The following DRD3 variants were observed in gnomAD, a reference collection of about 807,000 sequenced individuals.
The protein encoded by DRD3 is dopamine receptor D3, also known as D(3) dopamine receptor.
Under a neutral mutation model 36.3 loss-of-function variants are expected in DRD3, and 19 were observed. That is an observed-to-expected ratio of 0.52 (90% CI 0.36 to 0.77). The LOEUF (loss-of-function observed/expected upper bound fraction) is 0.77. Ranked by LOEUF, DRD3 falls within the 30% of genes least tolerant of loss-of-function variation. The pLI is 0.00. For synonymous variants in DRD3, 195 were observed against 203.7 expected, an observed-to-expected ratio of 0.96 and a Z score of 0.36; for missense variants, 465 against 505.3, an observed-to-expected ratio of 0.92 and a Z score of 0.77.
At chr3:114,188,011 C>G (rs2107902203) in intron 1 of DRD3, among the ~76,000 whole-genome samples, 1 of 152,080 alleles carries the variant, frequency 6.6e-6, no homozygotes, top group African/African-American at 2.4e-5. Context: ...AAGCAAATAC[C>G]TGAGCATCTC....
intron 2 of DRD3, among the ~76,000 whole-genome samples, chr3:114,170,500 G>A (rs2077828826): frequency 6.6e-6 from 1 of 152,084 alleles, no homozygotes; most frequent in African/African-American, 2.4e-5. Context: ...TCCTAACTGG[G>A]AAGAATAAAT....
intron 1 of DRD3, 86 bp from the exon 2 acceptor site, chr3:114,172,113 G>T: frequency 9.2e-7 from 1 of 1,085,098 alleles, no homozygotes; most frequent in Non-Finnish European, 1.2e-6. Flanking sequence ...TATTGCATCA[G>T]CAAATATTTA....
chr3:114,183,561 T>C (rs1246463586), upstream of DRD3, among the ~76,000 whole-genome samples: 1 of 152,176 alleles, frequency 6.6e-6, no homozygotes, highest in Admixed American at 6.5e-5. Flanking sequence ...TGTATATTTT[T>C]CTCTTTAATT....
chr3:114,176,432 T>C (rs147178500), intron 1 of DRD3, among the ~76,000 whole-genome samples: 1 of 152,120 alleles, frequency 6.6e-6, no homozygotes, highest in Non-Finnish European at 1.5e-5. Flanking sequence ...ACTCCATCTT[T>C]GCAAAAATAA....
intron 3 of DRD3, among the ~76,000 whole-genome samples, chr3:114,151,015 C>G (rs913835945): frequency 3.9e-5 from 6 of 152,188 alleles, no homozygotes; most frequent in African/African-American, 1.4e-4. Flanking sequence ...TTGATAAAGT[C>G]AAATTAAGAT....
intron 3 of DRD3, among the ~76,000 whole-genome samples, chr3:114,150,827 C>T (rs569343832): frequency 1.3e-5 from 2 of 152,278 alleles, no homozygotes; most frequent in East Asian, 1.9e-4. Context: ...TGCTCCTATG[C>T]GCCAGCACTG....
At chr3:114,133,620 C>CTG in intron 5 of DRD3, among the ~76,000 whole-genome samples, 1 of 152,246 alleles carries the variant, frequency 6.6e-6, no homozygotes, top group African/African-American at 2.4e-5. Context: ...CTTTGTAAAA[C>CTG]AGAAAAGAAA....
intron 3 of DRD3, among the ~76,000 whole-genome samples, chr3:114,151,911 G>A (rs1191576051): frequency 6.6e-6 from 1 of 152,236 alleles, no homozygotes; most frequent in Non-Finnish European, 1.5e-5. Context: ...GCAGAGCACT[G>A]CGTGCGCCCA....
At chr3:114,158,384 A>G (rs1372782056) in intron 3 of DRD3, among the ~76,000 whole-genome samples, 1 of 152,230 alleles carries the variant, frequency 6.6e-6, no homozygotes, top group Non-Finnish European at 1.5e-5. Flanking sequence ...TTAAAAAGTG[A>G]AGAGTTGGGG....
chr3:114,138,793 T>C (rs986436053), intron 5 of DRD3, among the ~76,000 whole-genome samples: 1 of 152,242 alleles, frequency 6.6e-6, no homozygotes, highest in African/African-American at 2.4e-5. Flanking sequence ...TTTGCTTTTC[T>C]AGATTCTAAG....
At chr3:114,178,349 T>C (rs1038101364) in intron 1 of DRD3, among the ~76,000 whole-genome samples, 1 of 152,190 alleles carries the variant, frequency 6.6e-6, no homozygotes, top group African/African-American at 2.4e-5. Flanking sequence ...TCAACTTCCA[T>C]ACAAATCCTA....
At chr3:114,197,657 A>C (rs1024562307) in intron 1 of DRD3, among the ~76,000 whole-genome samples, 1 of 152,160 alleles carries the variant, frequency 6.6e-6, no homozygotes, top group African/African-American at 2.4e-5. Context: ...CATATTTTGC[A>C]TAATAATTTT....
intron 3 of DRD3, among the ~76,000 whole-genome samples, chr3:114,153,462 G>A (rs2077637243): frequency 1.3e-5 from 2 of 152,124 alleles, no homozygotes. Context: ...CACCAAAAAT[G>A]TACATGACAC....
intron 1 of DRD3, among the ~76,000 whole-genome samples, chr3:114,175,307 T>C (rs1458886087): frequency 2.0e-5 from 3 of 152,142 alleles, no homozygotes; most frequent in African/African-American, 7.2e-5. Context: ...GGTGAAGAGT[T>C]AAATAAGCTG....
intron 2 of DRD3, 141 bp downstream of exon 2, chr3:114,171,582 C>G: frequency 8.9e-7 from 1 of 1,124,680 alleles, no homozygotes; most frequent in South Asian, 2.0e-5. Flanking sequence ...TTAACTCTCT[C>G]ATTACAGGGA....
chr3:114,145,654 A>G (rs2077563940), intron 4 of DRD3, among the ~76,000 whole-genome samples: 1 of 152,208 alleles, frequency 6.6e-6, no homozygotes, highest in Non-Finnish European at 1.5e-5. Flanking sequence ...AGTTATATGT[A>G]GTCTTAGATT....
intron 1 of DRD3, among the ~76,000 whole-genome samples, chr3:114,192,597 T>C (rs985275767): frequency 6.6e-5 from 10 of 152,228 alleles, no homozygotes; most frequent in African/African-American, 2.4e-4. Context: ...CTGTTGGTGA[T>C]TACACTTGCC....
Position 114,174,389 on chromosome 3 carries a change from A to T in DRD3, c.-35-2362T>A, listed in dbSNP as rs1385428526. Among the ~76,000 whole-genome samples, 7 of 152,312 alleles carry T rather than the reference A, an allele frequency of 4.6e-5. No homozygotes were observed. In the East Asian group the frequency reaches 1.4e-3, roughly 29 times the overall value. On this transcript the variant is annotated intron_variant, in intron 1 of 6. Coordinates refer to ENST00000383673, the MANE Select transcript of DRD3 (RefSeq NM_000796.6). ...CTCACCTGCCACGTAAGAGGGAGGC[A>T]TAAAACCTTAGGATACTTGTTACTC...
At chr3:114,138,233 A>G (rs1388360834) in intron 5 of DRD3, among the ~76,000 whole-genome samples, 1 of 151,540 alleles carries the variant, frequency 6.6e-6, no homozygotes, top group Non-Finnish European at 1.5e-5. Flanking sequence ...CCCAAATTGG[A>G]TCTGTCTTCA....
Sources: gnomAD v4.1 joint callset for allele counts (sites outside exome capture counted in the v4.1 genomes callset) on GRCh38, gnomAD v4.1.1 for gene constraint, MANE v1.5 for transcripts, NCBI Gene and HGNC (gene_info 2026-07-23, HGNC 2026-07-21) for gene names.